FAM210A: variants seen among roughly 807,000 people sequenced by gnomAD.
FAM210A encodes the protein family with sequence similarity 210 member A.
Under a neutral mutation model 25.3 loss-of-function variants are expected in FAM210A, and 13 were observed. That is an observed-to-expected ratio of 0.51 (90% CI 0.33 to 0.82). FAM210A has a LOEUF of 0.82. FAM210A is among the 40% of genes least tolerant of loss of function. The pLI, the probability that FAM210A is intolerant of heterozygous loss-of-function variation, is 0.02. For missense variants in FAM210A, 319 were observed against 323.2 expected, an observed-to-expected ratio of 0.99 and a Z score of 0.10; for synonymous variants, 125 against 118.7, an observed-to-expected ratio of 1.05 and a Z score of -0.35.
At chr18:13,701,266 T>C (rs1462222210) in intron 1 of FAM210A, among the ~76,000 whole-genome samples, 1 of 152,156 alleles carries the variant, frequency 6.6e-6, no homozygotes. Flanking sequence ...TTTGAGCTCT[T>C]GAGTTTCTCT....
At chr18:13,713,842 C>T (rs1409430982) in intron 1 of FAM210A, among the ~76,000 whole-genome samples, 2 of 151,930 alleles carry the variant, frequency 1.3e-5, no homozygotes, top group East Asian at 1.9e-4. Context: ...CTGACTCAAG[C>T]GATCCTCCTG....
chr18:13,703,432 A>C (rs1416254166), intron 1 of FAM210A, among the ~76,000 whole-genome samples: 3 of 152,206 alleles, frequency 2.0e-5, no homozygotes, highest in Non-Finnish European at 4.4e-5. Flanking sequence ...AATTAAATGC[A>C]CAGTAAAAGC....
intron 1 of FAM210A, among the ~76,000 whole-genome samples, chr18:13,717,983 C>G (rs2043874047): frequency 6.6e-6 from 1 of 152,206 alleles, no homozygotes; most frequent in South Asian, 2.1e-4. Flanking sequence ...AGGAAGAAGA[C>G]AGCGCCCTCA....
intron 3 of FAM210A, among the ~76,000 whole-genome samples, chr18:13,670,273 T>G (rs751852442): frequency 6.6e-6 from 1 of 152,222 alleles, no homozygotes; most frequent in Non-Finnish European, 1.5e-5. Context: ...AGGGAAGGTT[T>G]ACATCAGCAT....
chr18:13,666,305 A>G lies in FAM210A; in HGVS notation c.*175T>C. 5.0e-6 allele frequency: 3 copies of G among 601,482 alleles called. No individual in the cohort carries two copies. Among genetic ancestry groups the G allele is most frequent in the Non-Finnish European group, 8.8e-6 (3 of 342,614 alleles). The allele number at this position is 601,482 out of a possible 1,614,324, so 37.3% of individuals were successfully genotyped here. On this transcript the variant is annotated 3_prime_UTR_variant, in exon 4 of 4. Transcript: ENST00000651643. ...CTGGGTTCATTTCTTCCCTTGTAAT[A>G]ACACTGATTTTTCTAGTGATATTTA...
intron 1 of FAM210A, among the ~76,000 whole-genome samples, chr18:13,693,347 C>T (rs1294152057): frequency 2.0e-5 from 3 of 152,230 alleles, no homozygotes; most frequent in Non-Finnish European, 4.4e-5. Flanking sequence ...CCTTCTGAAA[C>T]TATTCCAATC....
At position 13,682,073 on chromosome 18, in the gene FAM210A, T is replaced by C. The variant is rs1342665253; in HGVS notation, c.5A>G (p.Gln2Arg). M[Q>R]WNVPRTVSRL... ...AGATACAGTCCGTGGTACATTCCATTGCATTTTGAAGAGTGTTGATAGGTT... is the reference window on the plus strand; with the variant it reads ...AGATACAGTCCGTGGTACATTCCATCGCATTTTGAAGAGTGTTGATAGGTT... Residue 2 changes from glutamine (Q) to arginine (R), a missense_variant, in exon 2 of 4, where the codon CAA becomes CGA. Transcript: ENST00000651643. The C allele has an allele frequency of 1.3e-6, 2 of 1,575,802 alleles. No homozygotes were observed. The highest frequency in any genetic ancestry group is 1.7e-6 in the Non-Finnish European group (2 of 1,161,522).
intron 1 of FAM210A, among the ~76,000 whole-genome samples, chr18:13,721,648 T>C (rs1172253449): frequency 2.0e-5 from 3 of 152,122 alleles, no homozygotes; most frequent in African/African-American, 7.2e-5. Flanking sequence ...TTCTGCCAGT[T>C]GCTGAGTATG....
chr18:13,690,980 C>T (rs955822979), intron 1 of FAM210A, among the ~76,000 whole-genome samples: 1 of 152,136 alleles, frequency 6.6e-6, no homozygotes, highest in African/African-American at 2.4e-5. Flanking sequence ...GATGTTCGAA[C>T]CCATCGCAAA....
At chr18:13,674,058 A>T (rs28589847) in intron 2 of FAM210A, among the ~76,000 whole-genome samples, 46 of 120,760 alleles carry the variant, frequency 3.8e-4, no homozygotes, top group Non-Finnish European at 4.5e-4. Context: ...CTTTATTTCC[A>T]GTTTCCTGAT....
intron 1 of FAM210A, among the ~76,000 whole-genome samples, chr18:13,718,258 C>T (rs2043875564): frequency 6.6e-6 from 1 of 152,154 alleles, no homozygotes; most frequent in South Asian, 2.1e-4. Flanking sequence ...GAAACCTTCC[C>T]ACTGCATGAG....
chr18:13,720,305 T>C (rs1195300368), intron 1 of FAM210A, among the ~76,000 whole-genome samples: 1 of 152,148 alleles, frequency 6.6e-6, no homozygotes, highest in Non-Finnish European at 1.5e-5. Context: ...GCAGAGCAGT[T>C]TGCACAGCAG....
At chr18:13,711,399 C>G (rs1169960618) in intron 1 of FAM210A, among the ~76,000 whole-genome samples, 2 of 151,884 alleles carry the variant, frequency 1.3e-5, no homozygotes, top group Admixed American at 6.6e-5. Context: ...CAAAAAACAA[C>G]CCCCCCAATC....
At chr18:13,688,590 G>A (rs1465273155) in intron 1 of FAM210A, among the ~76,000 whole-genome samples, 1 of 152,180 alleles carries the variant, frequency 6.6e-6, no homozygotes, top group African/African-American at 2.4e-5. Flanking sequence ...ATTCCTCTTG[G>A]GCACTGGACA....
rs1309303191 is a variant in FAM210A, at chr18:13,665,698, A to AT, written c.*781dup. On this transcript the variant is annotated 3_prime_UTR_variant, in exon 4 of 4. Coordinates refer to ENST00000651643, the MANE Select transcript of FAM210A (RefSeq NM_152352.4). ...TTAACAATGAATTTAAGGTTTAATG[A>AT]TTTTTTACCTTTCCTCTGAAAGACA... 3.9e-5 allele frequency: 6 copies of AT among 151,924 alleles called. No homozygotes were observed. Among genetic ancestry groups the AT allele is most frequent in the East Asian group, 3.9e-4 (2 of 5,176 alleles). The allele number at this position is 151,924 out of a possible 1,614,324, so 9.4% of individuals were successfully genotyped here.
At chr18:13,667,298 A>C (rs1238834252) in intron 3 of FAM210A, among the ~76,000 whole-genome samples, 1 of 152,218 alleles carries the variant, frequency 6.6e-6, no homozygotes, top group Non-Finnish European at 1.5e-5. Context: ...AAAGTAGTAA[A>C]ATGGCACACC....
intron 1 of FAM210A, among the ~76,000 whole-genome samples, chr18:13,724,965 G>A (rs1158930019): frequency 5.9e-5 from 9 of 152,106 alleles, no homozygotes; most frequent in African/African-American, 2.2e-4. Context: ...GTAGAGACGG[G>A]GTTTCACCAT....
intron 1 of FAM210A, among the ~76,000 whole-genome samples, chr18:13,715,805 T>C (rs2043857359): frequency 6.6e-6 from 1 of 152,232 alleles, no homozygotes; most frequent in African/African-American, 2.4e-5. Context: ...TGAATTCCTA[T>C]TTCCCATTTC....
chr18:13,713,436 G>C (rs1423842682), intron 1 of FAM210A, among the ~76,000 whole-genome samples: 3 of 152,118 alleles, frequency 2.0e-5, no homozygotes, highest in African/African-American at 7.2e-5. Context: ...TCAACCTTCA[G>C]AGTACTTCTT....
Sources: gnomAD v4.1 joint callset for allele counts (sites outside exome capture counted in the v4.1 genomes callset) on GRCh38, gnomAD v4.1.1 for gene constraint, MANE v1.5 for transcripts, NCBI Gene and HGNC (gene_info 2026-07-23, HGNC 2026-07-21) for gene names.